The following SUPT6H variants were observed in gnomAD, a reference collection of about 807,000 sequenced individuals.
The protein encoded by SUPT6H is SPT6 homolog, histone chaperone and transcription elongation factor.
SUPT6H carries 11 observed loss-of-function variants against 222.3 expected under a neutral mutation model. That is an observed-to-expected ratio of 0.05 (90% CI 0.03 to 0.08). SUPT6H has a LOEUF of 0.08. Among genes scored for constraint, SUPT6H ranks in the 10% least tolerant of loss-of-function variants. SUPT6H has a pLI of 1.00. For synonymous variants in SUPT6H, 762 were observed against 801.2 expected (o/e 0.95, Z 0.83); for missense variants, 1,422 against 2,216.0 (o/e 0.64, Z 7.19).
rs2031088244 is a variant in SUPT6H at position 28,681,274 on chromosome 17, A to T, written c.1368A>T (p.Ser456=). The change falls in exon 12 of 37, where the codon TCA becomes TCT. Residue 456 remains serine (S), a synonymous_variant. Coordinates refer to ENST00000314616, the MANE Select transcript of SUPT6H (RefSeq NM_003170.5). ...TTTTCAGGCTCAAGGATGTCCAATC[A>T]ATGGATGAGCTGAAAGATGTCTACA... is the stretch of plus-strand genomic sequence containing the variant. ...TDMERLKDVQ[S]MDELKDVYNH... 3.1e-6 allele frequency: 5 copies of T among 1,613,864 alleles called. No homozygotes were observed. Among genetic ancestry groups the T allele is most frequent in the Non-Finnish European group, 2.5e-6 (3 of 1,180,010 alleles).
intron 11 of SUPT6H, among the ~76,000 whole-genome samples, chr17:28,680,014 G>GA (rs1324486507): frequency 3.4e-5 from 4 of 117,330 alleles, no homozygotes; most frequent in Non-Finnish European, 7.8e-5. Context: ...AAGAAAGAAA[G>GA]AAAAAGGAGG....
At chr17:28,674,818 G>C (rs1016030234) in intron 4 of SUPT6H, 152 bp from the exon 5 acceptor site, 1 of 1,062,244 alleles carries the variant, frequency 9.4e-7, no homozygotes, top group East Asian at 2.5e-5. Flanking sequence ...TCAAGGATGG[G>C]CTTTGAGGCT....
Position 28,683,719 on chromosome 17 carries a change from T to C in SUPT6H, c.2132T>C (p.Met711Thr), listed in dbSNP as rs924153400. 9.3e-6 allele frequency: 15 copies of C among 1,614,106 alleles called. No individual in the cohort carries two copies. The highest frequency in any genetic ancestry group is 1.3e-5 in the Non-Finnish European group (15 of 1,180,026). ...QVQEWNRQRT[M>T]AIERALQQFL... ...CAGGAGTGGAACCGGCAGCGCACCA[T>C]GGCCATCGAACGGGCTTTACAGCAG... The change falls in exon 17 of 37, where the codon ATG (methionine) becomes ACG (threonine). Residue 711 changes from methionine (M) to threonine (T), a missense_variant. By Grantham distance (81) the Met-to-Thr change is moderately conservative (BLOSUM62 -1). This residue lies in a region of SUPT6H where 294 missense variants were observed against 382.1 expected (regional missense o/e 0.77). Coordinates refer to ENST00000314616, the MANE Select transcript of SUPT6H (RefSeq NM_003170.5).
intron 13 of SUPT6H, 159 bp downstream of exon 13, chr17:28,682,139 C>T: frequency 1.8e-6 from 1 of 565,718 alleles, no homozygotes; most frequent in Non-Finnish European, 3.1e-6. Context: ...TACTCCCTCT[C>T]CAAACCCATT....
rs2031443635 is a variant in SUPT6H, at chr17:28,687,456, G to T, written c.2991G>T (p.Gly997=). ...QYVCGLGPRK[G]THLLKILKQN... ...TTTGTGGCCTGGGACCTCGGAAAGG[G>T]ACCCACCTCCTGAAGGTAGGATTGG... The change falls in exon 23 of 37, where the codon GGG becomes GGT. Residue 997 remains glycine (G), a synonymous_variant. Coordinates refer to ENST00000314616, the MANE Select transcript of SUPT6H (RefSeq NM_003170.5). 6.2e-7 allele frequency: 1 copy of T among 1,614,038 alleles called. No homozygotes were observed. The highest frequency in any genetic ancestry group is 8.5e-7 in the Non-Finnish European group (1 of 1,180,014).
At chr17:28,687,720 G>C (rs535316916) in intron 23 of SUPT6H, among the ~76,000 whole-genome samples, 61 of 152,146 alleles carry the variant, frequency 4.0e-4, no homozygotes, top group East Asian at 1.4e-3. Flanking sequence ...GTTTCACCAT[G>C]TTGGCCAGAC....
intron 1 of SUPT6H, among the ~76,000 whole-genome samples, chr17:28,667,404 T>C (rs1430317262): frequency 1.8e-4 from 2 of 10,898 alleles, no homozygotes; most frequent in African/African-American, 4.6e-4. Flanking sequence ...AGTGTGTGTG[T>C]GTATATATAT....
At chr17:28,690,056 C>T (rs779563845) in intron 25 of SUPT6H, 26 bp from the exon 26 acceptor site, 31 of 1,599,690 alleles carry the variant, frequency 1.9e-5, no homozygotes, top group Non-Finnish European at 2.5e-5. Flanking sequence ...AGCTGCAAGG[C>T]TCTTCTTGAT....
Position 28,678,929 on chromosome 17 carries a change from G to A in SUPT6H, c.1315G>A (p.Gly439Ser). The change falls in exon 11 of 37, where the codon GGC (glycine) becomes AGC (serine). Residue 439 changes from glycine to serine, a missense_variant. Gly to Ser is a moderately conservative substitution (Grantham distance 56, BLOSUM62 0). Transcript: ENST00000314616. ...TGACCCTGACAAACCTCTTGCTGAT[G>A]GCATCCGGGCTCTGGACACCACTGA... is the stretch of plus-strand genomic sequence containing the variant. ...SADPDKPLADGIRALDTTDME... is the reference protein window; with the variant it reads ...SADPDKPLADSIRALDTTDME... 2 of 1,614,218 alleles carry A rather than the reference G, an allele frequency of 1.2e-6. No homozygotes were observed. The highest frequency in any genetic ancestry group is 1.7e-6 in the Non-Finnish European group (2 of 1,180,044).
Position 28,686,369 on chromosome 17 carries a change from C to T in SUPT6H, c.2518C>T (p.Leu840Phe), listed in dbSNP as rs747577636. Reference sequence around the variant, plus strand: ...AGACATTGAAACGCTAAAGAAATTTCTCCTGAATAAGAAGCCTCATGTAGT... The same window carrying T: ...AGACATTGAAACGCTAAAGAAATTTTTCCTGAATAAGAAGCCTCATGTAGT... ...AQDIETLKKFLLNKKPHVVTV... is the reference protein window; with the variant it reads ...AQDIETLKKFFLNKKPHVVTV... The change falls in exon 20 of 37, where the codon CTC becomes TTC. Residue 840 changes from leucine to phenylalanine, a missense_variant. Around this residue, in one of 13 missense-constraint regions of SUPT6H, gnomAD observed 294 missense variants for 382.1 expected, o/e 0.77. Coordinates refer to ENST00000314616, the MANE Select transcript of SUPT6H (RefSeq NM_003170.5). 2 of 1,614,210 alleles carry T rather than the reference C, an allele frequency of 1.2e-6. No homozygotes were observed. The highest frequency in any genetic ancestry group is 1.7e-5 in the Admixed American group (1 of 60,020).
At chr17:28,700,802 ACTG>A in intron 35 of SUPT6H, 136 bp from the exon 36 acceptor site, 1 of 1,116,668 alleles carries the variant, frequency 9.0e-7, no homozygotes, top group Non-Finnish European at 1.3e-6. Context: ...CAGGCTTCCC[ACTG>A]CTGGTCAGAA....
intron 27 of SUPT6H, among the ~76,000 whole-genome samples, chr17:28,692,971 A>T (rs2031737805): frequency 6.7e-6 from 1 of 149,022 alleles, no homozygotes; most frequent in Non-Finnish European, 1.5e-5. Flanking sequence ...ACTGCACTCC[A>T]GCCTGGGCAA....
chr17:28,669,391 A>C (rs753045862), intron 1 of SUPT6H, among the ~76,000 whole-genome samples: 1 of 152,148 alleles, frequency 6.6e-6, no homozygotes, highest in Non-Finnish European at 1.5e-5. Context: ...GAGTTTCACC[A>C]TGTTGGCCAG....
chr17:28,676,471 T>C (rs2030752700), intron 7 of SUPT6H, 41 bp downstream of exon 7: 2 of 1,609,646 alleles, frequency 1.2e-6, no homozygotes, highest in African/African-American at 1.3e-5. Flanking sequence ...CAATCCATAA[T>C]TACCTTGTAG....
chr17:28,683,086 T>C lies in SUPT6H; in HGVS notation c.1872T>C (p.Gly624=), dbSNP rs1429808368. Reference sequence around the variant, plus strand: ...TAAATATAACCCCCACCAAGAAAGGTAGAAAGGTGAGCTGGGTGAAGGGCT... The same window carrying C: ...TAAATATAACCCCCACCAAGAAAGGCAGAAAGGTGAGCTGGGTGAAGGGCT... ...AKLNITPTKK[G]RKDVDEAHYA... is the part of the protein sequence containing the mutation. The change falls in exon 15 of 37, where the codon GGT becomes GGC. Residue 624 remains glycine, a synonymous_variant. Transcript: ENST00000314616. 8.1e-6 allele frequency: 13 copies of C among 1,598,104 alleles called. No individual in the cohort carries two copies. The highest frequency in any genetic ancestry group is 1.1e-5 in the Non-Finnish European group (13 of 1,174,388).
rs762811122 is a variant in SUPT6H at position 28,688,415 on chromosome 17, G to T, written c.3134+197G>T. The T allele has an allele frequency of 2.0e-4, 99 of 491,966 alleles. 1 individual carries two copies. Among genetic ancestry groups the T allele is most frequent in the Middle Eastern group, 1.2e-3 (2 of 1,720 alleles). The allele number at this position is 491,966 out of a possible 1,614,324, so 30.5% of individuals were successfully genotyped here. On this transcript the variant is annotated intron_variant, in intron 24 of 36. Coordinates refer to ENST00000314616, the MANE Select transcript of SUPT6H (RefSeq NM_003170.5). This position sits in a 1 kb window ranked among gnomAD's most constrained non-coding sequence, Gnocchi z 4.3. ...GGTTCAATCATGTGAAACATTTTTC[G>T]TGTGAGAGAAACATAAAAAGTACCA...
At chr17:28,666,613 A>C (rs940728995) in intron 1 of SUPT6H, among the ~76,000 whole-genome samples, 3 of 147,968 alleles carry the variant, frequency 2.0e-5, no homozygotes, top group Non-Finnish European at 4.4e-5. Context: ...GTGCAATGGC[A>C]TGATCTCGAC....
intron 32 of SUPT6H, among the ~76,000 whole-genome samples, chr17:28,698,536 A>G (rs2032016512): frequency 6.6e-6 from 1 of 152,170 alleles, no homozygotes; most frequent in Admixed American, 6.5e-5. Context: ...GGCCTTCCTG[A>G]GGTATTCCTT....
At chr17:28,672,438 G>C (rs1441410818) in intron 1 of SUPT6H, among the ~76,000 whole-genome samples, 1 of 150,900 alleles carries the variant, frequency 6.6e-6, no homozygotes, top group Non-Finnish European at 1.5e-5. Context: ...TTTCGAGGCA[G>C]ATTTTGCTCT....
Sources: gnomAD v4.1 joint callset for allele counts (sites outside exome capture counted in the v4.1 genomes callset) on GRCh38, gnomAD v4.1.1 for gene constraint, gnomAD v4.1.1 regional missense constraint, Gnocchi (gnomAD v3.1) non-coding constraint, MANE v1.5 for transcripts, NCBI Gene and HGNC (gene_info 2026-07-23, HGNC 2026-07-21) for gene names.